STAT3: variants seen among roughly 807,000 people sequenced by gnomAD.
The protein encoded by STAT3 is signal transducer and activator of transcription 3, also known as DNA-binding protein APRF.
In STAT3, 7 loss-of-function variants were observed where a neutral mutation model predicts 114.3. The observed-to-expected ratio is 0.06, with a 90% CI of 0.03 to 0.11. STAT3 has a LOEUF of 0.11. STAT3 is among the 10% of genes least tolerant of loss of function. STAT3 has a pLI of 1.00. For missense variants in STAT3, 364 were observed against 960.9 expected (o/e 0.38, Z 8.21); for synonymous variants, 331 against 354.5 (o/e 0.93, Z 0.74).
rs1209886513 is a variant in STAT3, at chr17:42,329,356, CT to C, written c.1281+53del. 9 of 1,605,840 alleles carry C rather than the reference CT, an allele frequency of 5.6e-6. No individual in the cohort carries two copies. In the African/African-American group the frequency reaches 1.1e-4, roughly 20 times the overall value. On this transcript the variant is annotated intron_variant, in intron 14 of 23. Transcript: ENST00000264657. ...TGGGGATTAAGAAGGATCTTTACCCCTCTCTCCCTCAAGGAAAACACCCCAG... is the reference window on the plus strand; with the variant it reads ...TGGGGATTAAGAAGGATCTTTACCCCCTCTCCCTCAAGGAAAACACCCCAG...
At chr17:42,380,025 A>C (rs1354170563) in intron 1 of STAT3, among the ~76,000 whole-genome samples, 1 of 151,892 alleles carries the variant, frequency 6.6e-6, no homozygotes, top group East Asian at 1.9e-4. Context: ...TTAGTTTTTG[A>C]TATGACAGTT....
intron 1 of STAT3, among the ~76,000 whole-genome samples, chr17:42,355,851 T>C (rs977850233): frequency 1.3e-5 from 2 of 152,200 alleles, no homozygotes; most frequent in Non-Finnish European, 2.9e-5. Context: ...AGTTAAGACT[T>C]GTACTTCACA....
At chr17:42,348,941 G>A (rs2082817024) in intron 1 of STAT3, among the ~76,000 whole-genome samples, 1 of 152,146 alleles carries the variant, frequency 6.6e-6, no homozygotes, top group African/African-American at 2.4e-5. Context: ...CCAGGCTAGA[G>A]TGCAATGGCA....
chr17:42,346,806 AAAAC>A, intron 2 of STAT3, 93 bp from the exon 3 acceptor site: 1 of 1,569,828 alleles, frequency 6.4e-7, no homozygotes, highest in Non-Finnish European at 8.7e-7. Context: ...AAAAAACAAA[AAAAC>A]AAAGCAAACC....
At chr17:42,373,611 C>T (rs563557732) in intron 1 of STAT3, among the ~76,000 whole-genome samples, 4 of 151,340 alleles carry the variant, frequency 2.6e-5, no homozygotes, top group South Asian at 2.1e-4. Flanking sequence ...TTAATTGAGC[C>T]GGGCGCGGTG....
intron 14 of STAT3, among the ~76,000 whole-genome samples, chr17:42,328,571 C>A (rs1040459965): frequency 4.6e-5 from 7 of 152,156 alleles, no homozygotes; most frequent in Admixed American, 1.3e-4. Flanking sequence ...CCACACCCAG[C>A]TAATTTTTGT....
chr17:42,338,691 T>C, intron 6 of STAT3, 40 bp downstream of exon 6: 1 of 1,570,808 alleles, frequency 6.4e-7, no homozygotes, highest in African/African-American at 1.3e-5. Context: ...CAACACAAAC[T>C]CACTTTCTAG....
chr17:42,333,862 G>A lies in STAT3; in HGVS notation c.956+29C>T. 6.2e-7 allele frequency: 1 copy of A among 1,614,154 alleles called. No individual in the cohort carries two copies. Among genetic ancestry groups the A allele is most frequent in the African/African-American group, 1.3e-5 (1 of 75,040 alleles). ...GTGAGTCTTTAGGTATTTTTTAGAT[G>A]AGGGAAAGGGACAAGGATGCTAAAT... On this transcript the variant is annotated intron_variant, in intron 9 of 23. Transcript: ENST00000264657. This position sits in a 1 kb window ranked among gnomAD's most constrained non-coding sequence, Gnocchi z 5.2.
At chr17:42,348,258 T>C in intron 2 of STAT3, 131 bp downstream of exon 2, 3 of 1,352,126 alleles carry the variant, frequency 2.2e-6, no homozygotes, top group Admixed American at 3.4e-5. Context: ...CTTTATCTCC[T>C]GATCTCATTT....
At chr17:42,346,820 C>G (rs546427069) in intron 2 of STAT3, 107 bp from the exon 3 acceptor site, 10 of 1,467,998 alleles carry the variant, frequency 6.8e-6, no homozygotes, top group Non-Finnish European at 8.5e-6. Context: ...CAAAGCAAAC[C>G]TGATGCTATA....
chr17:42,387,118 A>C (rs1417795918), intron 1 of STAT3: 1 of 152,198 alleles, frequency 6.6e-6, no homozygotes, highest in Non-Finnish European at 1.5e-5. Flanking sequence ...GACTATGTAA[A>C]CCTTTAGTTG....
At position 42,315,701 on chromosome 17, in the gene STAT3, A is replaced by T; in HGVS notation, c.*44T>A. 1 of 1,582,234 alleles carries T rather than the reference A, an allele frequency of 6.3e-7. No individual in the cohort carries two copies. Among genetic ancestry groups the T allele is most frequent in the Non-Finnish European group, 8.7e-7 (1 of 1,151,024 alleles). ...GTGTGAGGGGTGGCAGAATGCAGGTAGGCGCCTCAGTCGTATCTTTCTGCA... is the reference window on the plus strand; with the variant it reads ...GTGTGAGGGGTGGCAGAATGCAGGTTGGCGCCTCAGTCGTATCTTTCTGCA... On this transcript the variant is annotated 3_prime_UTR_variant, in exon 24 of 24. Coordinates refer to ENST00000264657, the MANE Select transcript of STAT3 (RefSeq NM_139276.3).
In STAT3 at chr17:42,350,376, G is replaced by A. The variant is rs960732607; in HGVS notation, c.-23-1837C>T. Among the ~76,000 whole-genome samples the A allele has an allele frequency of 2.6e-5, 4 of 152,134 alleles. No individual in the cohort carries two copies. The East Asian group carries it at 5.8e-4, about 22-fold the overall frequency. On this transcript the variant is annotated intron_variant, in intron 1 of 23. Coordinates refer to ENST00000264657, the MANE Select transcript of STAT3 (RefSeq NM_139276.3). The stretch of plus-strand genomic sequence containing the variant: ...TAACTCCTGCAACCTCTAACTCCTG[G>A]GCTCAGGCAATCCTCCTACCTCAGC...
Position 42,314,152 on chromosome 17 carries a change from G to A in STAT3, c.*1593C>T. The stretch of plus-strand genomic sequence containing the variant: ...ACCTGTGGGGCCCCAGCAGGGAGGA[G>A]TCACCAGCCTCAGAGGGAGGCCAGG... On this transcript the variant is annotated 3_prime_UTR_variant, in exon 24 of 24. Coordinates refer to ENST00000264657, the MANE Select transcript of STAT3 (RefSeq NM_139276.3). 1 of 232,368 alleles carries A rather than the reference G, an allele frequency of 4.3e-6. No individual in the cohort carries two copies. The highest frequency in any genetic ancestry group is 8.5e-6 in the Non-Finnish European group (1 of 117,248). The allele number at this position is 232,368 out of a possible 1,614,324, so 14.4% of individuals were successfully genotyped here.
chr17:42,340,780 A>C (rs1045387915), intron 4 of STAT3, among the ~76,000 whole-genome samples: 1 of 152,176 alleles, frequency 6.6e-6, no homozygotes, highest in Non-Finnish European at 1.5e-5. Flanking sequence ...GATGGAGAGA[A>C]AGACTCTGTG....
chr17:42,356,733 G>A (rs901301905), intron 1 of STAT3, among the ~76,000 whole-genome samples: 3 of 152,098 alleles, frequency 2.0e-5, no homozygotes, highest in African/African-American at 7.2e-5. Flanking sequence ...CTCCCAAAGT[G>A]CTGGGATTAC....
chr17:42,355,577 C>G (rs779563569), intron 1 of STAT3, among the ~76,000 whole-genome samples: 2 of 152,130 alleles, frequency 1.3e-5, no homozygotes, highest in African/African-American at 2.4e-5. Context: ...AAAAATGAAA[C>G]AGCAAGTCAT....
intron 2 of STAT3, among the ~76,000 whole-genome samples, chr17:42,347,360 G>A (rs1299850487): frequency 6.6e-6 from 1 of 152,134 alleles, no homozygotes; most frequent in Non-Finnish European, 1.5e-5. Flanking sequence ...AGTAATCCCA[G>A]GCTGGGATGG....
chr17:42,351,129 CAAAAA>C (rs139529559), intron 1 of STAT3, among the ~76,000 whole-genome samples: 1 of 77,272 alleles, frequency 1.3e-5, no homozygotes, highest in African/African-American at 4.0e-5. Flanking sequence ...GACTCCATCT[CAAAAA>C]AAAAAAAAAA....
Sources: gnomAD v4.1 joint callset for allele counts (sites outside exome capture counted in the v4.1 genomes callset) on GRCh38, gnomAD v4.1.1 for gene constraint, Gnocchi (gnomAD v3.1) non-coding constraint, MANE v1.5 for transcripts, NCBI Gene and HGNC (gene_info 2026-07-23, HGNC 2026-07-21) for gene names.